ZNF676: variants seen among roughly 807,000 people sequenced by gnomAD.
ZNF676 encodes the protein zinc finger protein 676.
In ZNF676, 4 loss-of-function variants were observed where a neutral mutation model predicts 6.0. That is an observed-to-expected ratio of 0.67 (90% confidence interval 0.33 to 1.53). The LOEUF (loss-of-function observed/expected upper bound fraction) is 1.53, where lower values mean the gene tolerates loss of function less well. ZNF676 is among the 40% of genes most tolerant of loss of function. ZNF676 has a pLI of 0.06. For synonymous variants in ZNF676, 198 were observed against 223.1 expected (o/e 0.89, Z 1.00); for missense variants, 644 against 679.7 (o/e 0.95, Z 0.58).
upstream of ZNF676, among the ~76,000 whole-genome samples, chr19:22,217,860 C>T (rs1486121029): frequency 1.3e-5 from 2 of 151,880 alleles, no homozygotes; most frequent in Non-Finnish European, 2.9e-5. Flanking sequence ...CACTCCATCG[C>T]GCCCTGCTAA....
upstream of ZNF676, among the ~76,000 whole-genome samples, chr19:22,217,913 A>G (rs1414214811): frequency 3.3e-5 from 5 of 151,784 alleles, no homozygotes; most frequent in East Asian, 9.8e-4. Context: ...CATGTTGGCC[A>G]GGCTAGTCTG....
chr19:22,230,452 C>T, the ZNF676 span, among the ~76,000 whole-genome samples: 3 of 151,572 alleles, frequency 2.0e-5, no homozygotes, highest in African/African-American at 7.3e-5. Context: ...ACCTGTGTAA[C>T]AAACCTGCAC....
the ZNF676 span, among the ~76,000 whole-genome samples, chr19:22,229,121 C>A: frequency 6.6e-6 from 1 of 152,080 alleles, no homozygotes; most frequent in Non-Finnish European, 1.5e-5. Flanking sequence ...CTACAGTAAC[C>A]AAAACAGCAT....
At chr19:22,253,148 C>T in the ZNF676 span, among the ~76,000 whole-genome samples, 4,019 of 152,046 alleles carry the variant, frequency 0.026, 78 homozygotes, top group Non-Finnish European at 0.042. Context: ...ACCTGTGAAC[C>T]GAATCCATGT....
rs2023691180 is a variant in ZNF676, at chr19:22,179,168, TA to T, written c.*781del. ...CCTACAATCAAGTGTGACAGCCATT[TA>T]AAGGCTTTGTCACATTCTTCACATT... On this transcript the variant is annotated 3_prime_UTR_variant, in exon 3 of 3. Transcript: ENST00000397121. The T allele has an allele frequency of 6.3e-6, 1 of 159,490 alleles. No individual in the cohort carries two copies. Among genetic ancestry groups the T allele is most frequent in the Non-Finnish European group, 1.4e-5 (1 of 72,058 alleles). 9.9% of individuals were successfully genotyped at this position (159,490 alleles called of 1,614,324 possible).
At chr19:22,234,266 C>G in the ZNF676 span, among the ~76,000 whole-genome samples, 3 of 152,316 alleles carry the variant, frequency 2.0e-5, no homozygotes, top group South Asian at 6.2e-4. Flanking sequence ...TTTTCTTCCT[C>G]TGTCAAATGA....
the ZNF676 span, chr19:22,245,114 G>C: frequency 3.3e-5 from 5 of 152,204 alleles, no homozygotes; most frequent in African/African-American, 1.2e-4. Context: ...CTAGGTGCTT[G>C]GTCCAGTAAT....
intron 1 of ZNF676, among the ~76,000 whole-genome samples, chr19:22,194,784 G>A (rs2023949934): frequency 6.6e-6 from 1 of 152,104 alleles, no homozygotes; most frequent in African/African-American, 2.4e-5. Context: ...GGCATTCCCA[G>A]TTCAGGCCAC....
chr19:22,209,344 G>T (rs1454777822), intron 1 of ZNF676, among the ~76,000 whole-genome samples: 3 of 147,944 alleles, frequency 2.0e-5, no homozygotes, highest in Non-Finnish European at 4.4e-5. Context: ...AAAAAAAAGA[G>T]TATGTCCTTT....
intron 1 of ZNF676, among the ~76,000 whole-genome samples, chr19:22,207,085 C>T (rs1341902136): frequency 6.6e-6 from 1 of 152,128 alleles, no homozygotes; most frequent in Non-Finnish European, 1.5e-5. Context: ...AATTGGCAGT[C>T]TTAGCCAGAG....
chr19:22,181,563 C>G lies in ZNF676; in HGVS notation c.154G>C (p.Glu52Gln). The change falls in exon 3 of 3, where the codon GAG becomes CAG. Residue 52 changes from glutamate to glutamine, a missense_variant. Coordinates refer to ENST00000397121, the MANE Select transcript of ZNF676 (RefSeq NM_001001411.3). ...PPVICSHFSQ[E>Q]FWPEQGIEDS... ...TCTATGCCTTGCTCTGGCCAAAACT[C>G]TTGGGAAAAATGAGAACATATAACT... 6.4e-7 allele frequency: 1 copy of G among 1,571,038 alleles called. No homozygotes were observed. Among genetic ancestry groups the G allele is most frequent in the South Asian group, 1.2e-5 (1 of 84,010 alleles).
chr19:22,184,322 C>T (rs1029425233), intron 2 of ZNF676, among the ~76,000 whole-genome samples: 4 of 152,108 alleles, frequency 2.6e-5, no homozygotes, highest in African/African-American at 7.2e-5. Context: ...CAGTGCTCTC[C>T]AGCCCAGATA....
At chr19:22,258,337 T>C in the ZNF676 span, among the ~76,000 whole-genome samples, 1 of 152,122 alleles carries the variant, frequency 6.6e-6, no homozygotes, top group Non-Finnish European at 1.5e-5. Context: ...TACATCTTCT[T>C]CGTGCTGGGT....
chr19:22,223,082 G>T, the ZNF676 span, among the ~76,000 whole-genome samples: 2 of 152,110 alleles, frequency 1.3e-5, no homozygotes, highest in Non-Finnish European at 2.9e-5. Flanking sequence ...CTCTGGAAGG[G>T]CAGAAGCTCT....
chr19:22,193,580 G>A (rs76226804), intron 1 of ZNF676, among the ~76,000 whole-genome samples: 4,929 of 152,044 alleles, frequency 0.032, 98 homozygotes, highest in Middle Eastern at 0.044. Context: ...CTCCAACAGC[G>A]CCTATTGAAA....
the ZNF676 span, among the ~76,000 whole-genome samples, chr19:22,255,023 C>T: frequency 6.6e-6 from 1 of 152,160 alleles, no homozygotes; most frequent in Admixed American, 6.6e-5. Flanking sequence ...GTTCAAGGTA[C>T]GAGAGTCAAT....
the ZNF676 span, among the ~76,000 whole-genome samples, chr19:22,228,889 A>C: frequency 1.3e-5 from 2 of 152,230 alleles, no homozygotes; most frequent in Non-Finnish European, 2.9e-5. Flanking sequence ...TTCCATGCTC[A>C]TGATAGGAAG....
chr19:22,235,669 C>T, the ZNF676 span, among the ~76,000 whole-genome samples: 2 of 152,118 alleles, frequency 1.3e-5, no homozygotes, highest in Non-Finnish European at 2.9e-5. Flanking sequence ...TCACTGGATT[C>T]GATCAGCATA....
At chr19:22,217,735 A>C (rs1341152060), upstream of ZNF676, among the ~76,000 whole-genome samples, 1 of 147,620 alleles carries the variant, frequency 6.8e-6, no homozygotes, top group African/African-American at 2.5e-5. Flanking sequence ...TTTGACATGG[A>C]GTCTGTCACA....
Sources: gnomAD v4.1 joint callset for allele counts (sites outside exome capture counted in the v4.1 genomes callset) on GRCh38, gnomAD v4.1.1 for gene constraint, MANE v1.5 for transcripts, NCBI Gene and HGNC (gene_info 2026-07-23, HGNC 2026-07-21) for gene names.